Variants in EYS observed in about 807,000 individuals in gnomAD.
The protein encoded by EYS is EGF-like photoreceptor maintenance factor, also known as protein eyes shut homolog.
In EYS, 250 loss-of-function variants were observed where a neutral mutation model predicts 282.1. The observed-to-expected ratio is 0.89, with a 90% CI of 0.80 to 0.98. The LOEUF is 0.98. Among genes scored for constraint, EYS ranks in the 50% least tolerant of loss-of-function variants. EYS has a pLI of 0.00. For missense variants in EYS, 4,016 were observed against 3,709.0 expected (o/e 1.08, Z -2.15); for synonymous variants, 1,355 against 1,282.9 (o/e 1.06, Z -1.20).
intron 26 of EYS, among the ~76,000 whole-genome samples, chr6:64,541,862 T>C (rs969374704): frequency 1.3e-5 from 2 of 152,194 alleles, no homozygotes; most frequent in African/African-American, 2.4e-5. Context: ...AAGTTTTACA[T>C]ATTATCTAGA....
At chr6:64,206,869 C>T (rs1429255464) in intron 31 of EYS, among the ~76,000 whole-genome samples, 1 of 152,100 alleles carries the variant, frequency 6.6e-6, no homozygotes, top group African/African-American at 2.4e-5. Context: ...AGGTTTGTTA[C>T]ATACATATAT....
intron 26 of EYS, among the ~76,000 whole-genome samples, chr6:64,446,007 A>G (rs919179150): frequency 6.6e-6 from 1 of 152,202 alleles, no homozygotes; most frequent in African/African-American, 2.4e-5. Flanking sequence ...AAGACTTAAG[A>G]TACACAATCA....
At chr6:64,749,270 C>T (rs901770789) in intron 22 of EYS, among the ~76,000 whole-genome samples, 2 of 151,968 alleles carry the variant, frequency 1.3e-5, no homozygotes, top group Non-Finnish European at 1.5e-5. Flanking sequence ...TAGATTATAC[C>T]TTTTGTACAC....
chr6:64,541,951 C>A (rs991886535), intron 26 of EYS, among the ~76,000 whole-genome samples: 1 of 152,094 alleles, frequency 6.6e-6, no homozygotes, highest in African/African-American at 2.4e-5. Flanking sequence ...AAGACCTTTG[C>A]ATTTAAAAAT....
At chr6:64,442,239 C>A (rs755255218) in intron 26 of EYS, among the ~76,000 whole-genome samples, 36 of 152,152 alleles carry the variant, frequency 2.4e-4, no homozygotes, top group Middle Eastern at 6.8e-3. Context: ...GCCCCTGCCC[C>A]AGAGAATTGT....
At chr6:64,707,602 T>G (rs537987531) in intron 22 of EYS, among the ~76,000 whole-genome samples, 1 of 149,510 alleles carries the variant, frequency 6.7e-6, no homozygotes, top group East Asian at 2.0e-4. Context: ...CCGGGAGGCC[T>G]TGCAGTGAGT....
At chr6:65,067,471 G>A (rs1419401456) in intron 12 of EYS, among the ~76,000 whole-genome samples, 1 of 151,994 alleles carries the variant, frequency 6.6e-6, no homozygotes, top group Non-Finnish European at 1.5e-5. Context: ...ATGATGTGAA[G>A]AAATACAATA....
chr6:65,623,674 G>A (rs1270407390), intron 2 of EYS, among the ~76,000 whole-genome samples: 1 of 152,140 alleles, frequency 6.6e-6, no homozygotes, highest in African/African-American at 2.4e-5. Context: ...AGAGTCTTGA[G>A]TATGTACATA....
At chr6:64,779,000 G>A (rs940550643) in intron 22 of EYS, among the ~76,000 whole-genome samples, 1 of 152,072 alleles carries the variant, frequency 6.6e-6, no homozygotes, top group Non-Finnish European at 1.5e-5. Flanking sequence ...CCAAATACTG[G>A]CAAGTATGCG....
chr6:64,125,269 A>G (rs1379801042), intron 31 of EYS, among the ~76,000 whole-genome samples: 5 of 152,024 alleles, frequency 3.3e-5, no homozygotes, highest in Admixed American at 6.6e-5. Flanking sequence ...TGGGTCCAAA[A>G]CATCTTGAGA....
chr6:64,682,209 A>G (rs1180089315), intron 22 of EYS, among the ~76,000 whole-genome samples: 1 of 152,112 alleles, frequency 6.6e-6, no homozygotes, highest in Non-Finnish European at 1.5e-5. Flanking sequence ...CTAAAAATAC[A>G]AAAACAAAAT....
chr6:64,154,885 A>G (rs1774865935), intron 31 of EYS, among the ~76,000 whole-genome samples: 1 of 152,160 alleles, frequency 6.6e-6, no homozygotes, highest in South Asian at 2.1e-4. Flanking sequence ...ACACATGGAA[A>G]TATTATTGGC....
intron 35 of EYS, among the ~76,000 whole-genome samples, chr6:63,981,709 A>C (rs1176610780): frequency 4.6e-5 from 7 of 151,768 alleles, no homozygotes; most frequent in Admixed American, 3.9e-4. Context: ...TGTGGTTGAG[A>C]GGTTGAGAGA....
chr6:64,052,663 C>A (rs1009259115), intron 33 of EYS, among the ~76,000 whole-genome samples: 2 of 152,120 alleles, frequency 1.3e-5, no homozygotes, highest in African/African-American at 4.8e-5. Flanking sequence ...TGAATCTCAT[C>A]CTGAATTGTA....
chr6:65,447,287 ACTCT>A (rs67001392), intron 5 of EYS, among the ~76,000 whole-genome samples: 26,992 of 143,826 alleles, frequency 0.19, 3,110 homozygotes, highest in Middle Eastern at 0.31. Flanking sequence ...ACAGAACCTG[ACTCT>A]CTTTCTTTCT....
intron 5 of EYS, among the ~76,000 whole-genome samples, chr6:65,419,398 C>T (rs1026806562): frequency 4.3e-4 from 66 of 151,806 alleles, no homozygotes; most frequent in Middle Eastern, 6.8e-3. Flanking sequence ...CAAAAATTCA[C>T]ACAAATAAAT....
intron 22 of EYS, among the ~76,000 whole-genome samples, chr6:64,730,418 A>T (rs529614654): frequency 5.9e-5 from 9 of 152,356 alleles, no homozygotes; most frequent in African/African-American, 2.2e-4. Flanking sequence ...ATTTGCCAAC[A>T]TGGGATAAGG....
chr6:64,901,293 A>AGTATATATATATAT (rs1767652965), intron 18 of EYS, among the ~76,000 whole-genome samples: 1 of 41,582 alleles, frequency 2.4e-5, no homozygotes. Flanking sequence ...TATGTAGTTG[A>AGTATATATATATAT]GTATATATAT....
At chr6:65,201,405 G>A (rs976287692) in intron 12 of EYS, among the ~76,000 whole-genome samples, 2 of 152,050 alleles carry the variant, frequency 1.3e-5, no homozygotes, top group Admixed American at 1.3e-4. Flanking sequence ...TTTTAATAAT[G>A]TAACTAATTT....
Sources: gnomAD v4.1 joint callset for allele counts (sites outside exome capture counted in the v4.1 genomes callset) on GRCh38, gnomAD v4.1.1 for gene constraint, MANE v1.5 for transcripts, NCBI Gene and HGNC (gene_info 2026-07-23, HGNC 2026-07-21) for gene names.